Variants in KDM8 observed in about 807,000 individuals in gnomAD.
KDM8 encodes the protein bifunctional peptidase and arginyl-hydroxylase JMJD5.
In KDM8, 35 loss-of-function variants were observed where a neutral mutation model predicts 46.9. The ratio of observed to expected loss-of-function variants is 0.75; its 90% CI spans 0.57 to 0.99. The LOEUF (loss-of-function observed/expected upper bound fraction) is 0.99. KDM8 is among the 50% of genes least tolerant of loss of function. The pLI is 0.00. For synonymous variants in KDM8, 232 were observed against 227.7 expected (o/e 1.02, Z -0.17); for missense variants, 475 against 537.0 (o/e 0.88, Z 1.14).
chr16:27,214,863 G>A lies in KDM8; in HGVS notation c.666-13G>A, dbSNP rs201746547. ...ATTAGCAGTGACGATGCCAATGTGT[G>A]TCTTTCTGCTAGTTTGGAGTATATC... On this transcript the variant is annotated splice_polypyrimidine_tract_variant and intron_variant, in intron 3 of 7. Transcript: ENST00000286096. The A allele has an allele frequency of 1.4e-4, 229 of 1,614,090 alleles. 1 individual carries two copies. In the African/African-American group the frequency reaches 2.7e-3, roughly 19 times the overall value.
rs888701571 is a variant in KDM8 at position 27,210,115 on chromosome 16, G to A, written c.-9G>A. 3.7e-6 allele frequency: 6 copies of A among 1,609,836 alleles called. No individual in the cohort carries two copies. Among genetic ancestry groups the A allele is most frequent in the East Asian group, 2.2e-5 (1 of 44,844 alleles). ...CAGGCACGGGACTGAACCAGCTGGT[G>A]GTGGCCCGATGGCTGGAGACACCCA... On this transcript the variant is annotated 5_prime_UTR_variant, in exon 2 of 8. Coordinates refer to ENST00000286096, the MANE Select transcript of KDM8 (RefSeq NM_024773.3).
intron 1 of KDM8, among the ~76,000 whole-genome samples, chr16:27,207,853 G>GCCCTGCT (rs1462000436): frequency 1.3e-5 from 2 of 152,196 alleles, no homozygotes; most frequent in African/African-American, 4.8e-5. Flanking sequence ...CCGAGTAGCT[G>GCCCTGCT]GGATTATAGG....
chr16:27,218,913 T>C (rs1326539075), intron 5 of KDM8, 48 bp from the exon 6 acceptor site: 1 of 1,609,782 alleles, frequency 6.2e-7, no homozygotes, highest in Non-Finnish European at 8.5e-7. Flanking sequence ...CGGGCTGCGG[T>C]GTCCCCAGCC....
At position 27,220,984 on chromosome 16, in the gene KDM8, G is replaced by C; in HGVS notation, c.*254G>C. 1 of 550,536 alleles carries C rather than the reference G, an allele frequency of 1.8e-6. No homozygotes were observed. The highest frequency in any genetic ancestry group is 3.3e-6 in the Non-Finnish European group (1 of 304,602). 34.1% of individuals were successfully genotyped at this position (550,536 alleles called of 1,614,324 possible). A position where few individuals can be genotyped will look rare whatever the true frequency, so the allele number is the denominator to read the frequency against. On this transcript the variant is annotated 3_prime_UTR_variant, in exon 8 of 8. Coordinates refer to ENST00000286096, the MANE Select transcript of KDM8 (RefSeq NM_024773.3). ...GGGGAGAGCCCAGAAGGACATTGCA[G>C]ACAGACAGCCTGCATGGGGACTCTG... is the stretch of plus-strand genomic sequence containing the variant.
intron 1 of KDM8, 87 bp from the exon 2 acceptor site, chr16:27,210,006 C>T (rs1166932344): frequency 1.2e-5 from 16 of 1,378,368 alleles, no homozygotes; most frequent in East Asian, 2.3e-5. Context: ...GAAAAATCCT[C>T]GCAGATGAGA....
In KDM8 at chr16:27,210,638, C is replaced by T. The variant is rs762354650; in HGVS notation, c.498+17C>T. On this transcript the variant is annotated intron_variant, in intron 2 of 7. Coordinates refer to ENST00000286096, the MANE Select transcript of KDM8 (RefSeq NM_024773.3). ...TGCACAAAGGTATGTGGGGGAGATT[C>T]TCCCCAAGCACACTAGCCATCCAGC... The T allele has an allele frequency of 1.2e-5, 18 of 1,499,600 alleles. 1 individual carries two copies. Among genetic ancestry groups the T allele is most frequent in the Non-Finnish European group, 1.6e-5 (18 of 1,124,340 alleles). 92.9% of individuals were successfully genotyped at this position (1,499,600 alleles called of 1,614,324 possible). A position where few individuals can be genotyped will look rare whatever the true frequency, so the allele number is the denominator to read the frequency against.
intron 4 of KDM8, among the ~76,000 whole-genome samples, chr16:27,215,360 A>G (rs2083538801): frequency 6.6e-6 from 1 of 152,160 alleles, no homozygotes; most frequent in African/African-American, 2.4e-5. Context: ...CAGGCGGATC[A>G]CTTGAAACCA....
rs556990824 is a variant in KDM8, at chr16:27,221,239, T to C, written c.*509T>C. On this transcript the variant is annotated 3_prime_UTR_variant, in exon 8 of 8. Transcript: ENST00000286096. ...CGAGCCCCTGCTGCTGCATGAACCT[T>C]AGCCGCTGTCACTGATCCCAATTAC... 3 of 280,994 alleles carry C rather than the reference T, an allele frequency of 1.1e-5. No individual in the cohort carries two copies. Among genetic ancestry groups the C allele is most frequent in the African/African-American group, 6.5e-5 (3 of 45,974 alleles). 17.4% of individuals were successfully genotyped at this position (280,994 alleles called of 1,614,324 possible). A position where few individuals can be genotyped will look rare whatever the true frequency, so the allele number is the denominator to read the frequency against.
At chr16:27,219,649 A>G (rs1477611814) in intron 6 of KDM8, among the ~76,000 whole-genome samples, 2 of 152,226 alleles carry the variant, frequency 1.3e-5, no homozygotes, top group Admixed American at 6.5e-5. Flanking sequence ...GAGGCAGCCC[A>G]GGAGTGGGCT....
chr16:27,210,303 G>A lies in KDM8; in HGVS notation c.180G>A (p.Arg60=). ...QRATELFYEG[R]RDECLQSSEV... is the part of the protein sequence containing the mutation. Reference sequence around the variant, plus strand: ...CCACTGAGCTCTTCTACGAGGGCAGGAGGGACGAGTGTCTGCAGAGCAGCG... The same window carrying A: ...CCACTGAGCTCTTCTACGAGGGCAGAAGGGACGAGTGTCTGCAGAGCAGCG... The change falls in exon 2 of 8, where the codon AGG becomes AGA. Residue 60 remains arginine (R), a synonymous_variant. Coordinates refer to ENST00000286096, the MANE Select transcript of KDM8 (RefSeq NM_024773.3). 1 of 1,613,322 alleles carries A rather than the reference G, an allele frequency of 6.2e-7. No individual in the cohort carries two copies. The highest frequency in any genetic ancestry group is 8.5e-7 in the Non-Finnish European group (1 of 1,180,044).
chr16:27,204,197 C>G (rs2083405929), intron 1 of KDM8: 7 of 1,473,426 alleles, frequency 4.8e-6, no homozygotes, highest in Non-Finnish European at 6.3e-6. Context: ...CCTCTGGGGC[C>G]TGGGTGTGTG....
chr16:27,213,965 C>T (rs890430252), intron 3 of KDM8: 4 of 516,614 alleles, frequency 7.7e-6, no homozygotes, highest in Non-Finnish European at 1.0e-5. Flanking sequence ...CTACCTTGCT[C>T]GCCTTAAGCG....
rs1478215615 is a variant in KDM8, at chr16:27,203,527, C to G, written c.-141C>G. ...TCAGACGAGCGGTGAGCGATCGATA[C>G]TCCTATGCTAGCCTCTGGCTCCTCA... On this transcript the variant is annotated 5_prime_UTR_variant, in exon 1 of 8. Coordinates refer to ENST00000286096, the MANE Select transcript of KDM8 (RefSeq NM_024773.3). The G allele has an allele frequency of 2.6e-5, 4 of 152,834 alleles. No homozygotes were observed. Among genetic ancestry groups the G allele is most frequent in the African/African-American group, 9.6e-5 (4 of 41,590 alleles). 9.5% of individuals were successfully genotyped at this position (152,834 alleles called of 1,614,324 possible).
chr16:27,209,569 A>G (rs1433224694), intron 1 of KDM8, among the ~76,000 whole-genome samples: 7 of 152,208 alleles, frequency 4.6e-5, no homozygotes, highest in South Asian at 2.1e-4. Context: ...AGTGACTGCC[A>G]TGAGGCAGAC....
chr16:27,219,357 G>A (rs1033656204), intron 6 of KDM8, among the ~76,000 whole-genome samples: 11 of 152,188 alleles, frequency 7.2e-5, no homozygotes, highest in African/African-American at 2.2e-4. Context: ...GGGAGCCCTC[G>A]GGAGAGGGAG....
chr16:27,206,330 T>C, intron 1 of KDM8: 1 of 421,836 alleles, frequency 2.4e-6, no homozygotes, highest in Non-Finnish European at 3.2e-6. Context: ...TGGAGTGCAG[T>C]GGCTAGATCT....
At chr16:27,220,360 C>A (rs377052070) in intron 6 of KDM8, 33 bp from the exon 7 acceptor site, 2 of 1,590,306 alleles carry the variant, frequency 1.3e-6, no homozygotes, top group African/African-American at 2.7e-5. Context: ...TGGAGTGAGG[C>A]CACCAGCTGA....
rs1170329939 is a variant in KDM8 at position 27,215,006 on chromosome 16, G to T, written c.796G>T (p.Glu266Ter). ...NEFISKYIVN[E>*]PRDVGYLAQH... ...GTTCATCAGCAAATACATCGTGAATGAGGTACATCATGGGGACTGCTTTCC... is the reference window on the plus strand; with the variant it reads ...GTTCATCAGCAAATACATCGTGAATTAGGTACATCATGGGGACTGCTTTCC... The change falls in exon 4 of 8, where the codon GAG becomes TAG. Residue 266 changes from glutamate to a stop codon, truncating the protein, a stop_gained and splice_region_variant. Coordinates refer to ENST00000286096, the MANE Select transcript of KDM8 (RefSeq NM_024773.3). LOFTEE classifies it high-confidence loss of function. 1 of 1,613,980 alleles carries T rather than the reference G, an allele frequency of 6.2e-7. No homozygotes were observed. Among genetic ancestry groups the T allele is most frequent in the Non-Finnish European group, 8.5e-7 (1 of 1,180,004 alleles).
intron 2 of KDM8, chr16:27,213,300 T>G: frequency 6.6e-6 from 2 of 304,198 alleles, no homozygotes; most frequent in Non-Finnish European, 1.2e-5. Context: ...GACCTTAAGA[T>G]GGTGAAGTTG....
Sources: gnomAD v4.1 joint callset for allele counts (sites outside exome capture counted in the v4.1 genomes callset) on GRCh38, gnomAD v4.1.1 for gene constraint, MANE v1.5 for transcripts, NCBI Gene and HGNC (gene_info 2026-07-23, HGNC 2026-07-21) for gene names.